The following RNF220 variants were observed in gnomAD, a reference collection of about 807,000 sequenced individuals.
RNF220 encodes the protein ring finger protein 220.
In RNF220, 7 loss-of-function variants were observed where a neutral mutation model predicts 67.1. The ratio of observed to expected loss-of-function variants is 0.10; its 90% CI spans 0.06 to 0.20. RNF220 has a LOEUF of 0.20. Ranked by LOEUF, RNF220 falls within the 10% of genes least tolerant of loss-of-function variation. The pLI, the probability that RNF220 is intolerant of heterozygous loss-of-function variation, is 1.00. For synonymous variants in RNF220, 270 were observed against 283.2 expected, an observed-to-expected ratio of 0.95 and a Z score of 0.47; for missense variants, 565 against 740.3, an observed-to-expected ratio of 0.76 and a Z score of 2.75.
Position 44,600,077 on chromosome 1 carries a change from TG to T in RNF220, c.626-14086del, listed in dbSNP as rs1477877032. 6.6e-6 allele frequency among the ~76,000 whole-genome samples: 1 copy of T among 152,188 alleles called. No individual in the cohort carries two copies. Among genetic ancestry groups the T allele is most frequent in the Non-Finnish European group, 1.5e-5 (1 of 68,026 alleles). On this transcript the variant is annotated intron_variant, in intron 2 of 14. Transcript: ENST00000361799. The surrounding 1 kb of genome is among the most constrained non-coding windows in gnomAD (Gnocchi z 4.0). The stretch of plus-strand genomic sequence containing the variant: ...AAAAACAGGGAAGATGTTGACTTAC[TG>T]GATGTAGGGACTGGAGTAAAGAGTA...
intron 3 of RNF220, among the ~76,000 whole-genome samples, chr1:44,619,108 C>G (rs74417114): frequency 1.3e-5 from 2 of 152,066 alleles, no homozygotes; most frequent in African/African-American, 2.4e-5. Context: ...AAGGAGTTGG[C>G]CCCCAGACTT....
At chr1:44,492,976 T>G (rs578029698) in intron 2 of RNF220, among the ~76,000 whole-genome samples, 218 of 152,182 alleles carry the variant, frequency 1.4e-3, no homozygotes, top group Non-Finnish European at 2.0e-3. Flanking sequence ...CAGGCTGGAT[T>G]CACACTCCTG....
intron 2 of RNF220, among the ~76,000 whole-genome samples, chr1:44,442,981 C>T (rs1189580647): frequency 6.6e-6 from 1 of 152,218 alleles, no homozygotes; most frequent in Admixed American, 6.5e-5. Context: ...TTACTCCACC[C>T]TCTTGCCTAG....
At chr1:44,628,638 G>C (rs1447275734) in intron 5 of RNF220, among the ~76,000 whole-genome samples, 1 of 152,228 alleles carries the variant, frequency 6.6e-6, no homozygotes, top group Non-Finnish European at 1.5e-5. Context: ...TATATTTCCA[G>C]CTTCCATTCC....
intron 2 of RNF220, among the ~76,000 whole-genome samples, chr1:44,448,843 A>T (rs1268402226): frequency 6.6e-6 from 1 of 152,218 alleles, no homozygotes; most frequent in Non-Finnish European, 1.5e-5. Context: ...AATGGGTTTC[A>T]AGTGAATGCT....
chr1:44,441,068 C>T (rs988296795), intron 2 of RNF220, among the ~76,000 whole-genome samples: 1 of 152,154 alleles, frequency 6.6e-6, no homozygotes, highest in Non-Finnish European at 1.5e-5. Context: ...CATCCCCTCA[C>T]CTAGAACCTG....
At chr1:44,519,846 G>A (rs1205023708) in intron 2 of RNF220, among the ~76,000 whole-genome samples, 2 of 152,146 alleles carry the variant, frequency 1.3e-5, no homozygotes, top group Admixed American at 6.5e-5. Context: ...AAATTGTTAA[G>A]AGCCTTGTCT....
At chr1:44,531,908 A>G (rs537620774) in intron 2 of RNF220, among the ~76,000 whole-genome samples, 18 of 152,240 alleles carry the variant, frequency 1.2e-4, no homozygotes, top group African/African-American at 4.3e-4. Context: ...GGTTTGGCTC[A>G]TAGGGGACAT....
At chr1:44,468,401 C>T (rs138129592) in intron 2 of RNF220, among the ~76,000 whole-genome samples, 3 of 152,096 alleles carry the variant, frequency 2.0e-5, no homozygotes, top group African/African-American at 4.8e-5. Flanking sequence ...AAATGCAAGA[C>T]GTGGAAGCGG....
chr1:44,629,600 G>C (rs989670665), intron 5 of RNF220, among the ~76,000 whole-genome samples: 1 of 152,184 alleles, frequency 6.6e-6, no homozygotes, highest in East Asian at 1.9e-4. Context: ...CACTTTGGGA[G>C]GCCAACGCAA....
In RNF220 at chr1:44,405,404, G is replaced by A; in HGVS notation, c.-244G>A. ...TGCTGCTGCTGCTGCTGCCGCTGCCGCCGCCGCCGCCGCCGCTGCCTCCGC... is the reference window on the plus strand; with the variant it reads ...TGCTGCTGCTGCTGCTGCCGCTGCCACCGCCGCCGCCGCCGCTGCCTCCGC... On this transcript the variant is annotated 5_prime_UTR_variant, in exon 1 of 15. Transcript: ENST00000361799. 3.2e-6 allele frequency: 2 copies of A among 627,750 alleles called. No individual in the cohort carries two copies. Among genetic ancestry groups the A allele is most frequent in the South Asian group, 1.7e-5 (1 of 59,296 alleles). 38.9% of individuals were successfully genotyped at this position (627,750 alleles called of 1,614,324 possible). A position where few individuals can be genotyped will look rare whatever the true frequency, so the allele number is the denominator to read the frequency against.
rs1321388227 is a variant in RNF220, at chr1:44,621,561, G to A, written c.759-1181G>A. Among the ~76,000 whole-genome samples, 1 of 152,142 alleles carries A rather than the reference G, an allele frequency of 6.6e-6. No homozygotes were observed. The highest frequency in any genetic ancestry group is 1.5e-5 in the Non-Finnish European group (1 of 68,032). On this transcript the variant is annotated intron_variant, in intron 3 of 14. Transcript: ENST00000361799. The surrounding 1 kb of genome is among the most constrained non-coding windows in gnomAD (Gnocchi z 4.8). ...ACATTGCTGGATGTCCCCTGTGCAG[G>A]TGAACATCCCTTCCCCTTCTCCCCT...
chr1:44,649,619 G>A lies in RNF220; in HGVS notation c.1446-42G>A, dbSNP rs746713582. 1.9e-6 allele frequency: 3 copies of A among 1,583,038 alleles called. No individual in the cohort carries two copies. The South Asian group carries it at 3.3e-5, about 18-fold the overall frequency. ...AGGCGTAGGCTGGAGGTACAGATGA[G>A]AGATGCCAGCCTGCTACCCAACCAT... On this transcript the variant is annotated intron_variant, in intron 12 of 14. Transcript: ENST00000361799. The surrounding 1 kb of genome is among the most constrained non-coding windows in gnomAD (Gnocchi z 5.9).
At chr1:44,647,852 G>GA (rs1447183240) in intron 12 of RNF220, among the ~76,000 whole-genome samples, 2 of 152,136 alleles carry the variant, frequency 1.3e-5, no homozygotes. Flanking sequence ...CGTCCCTTAT[G>GA]ATTCCCCCGC....
At chr1:44,636,220 C>T in intron 8 of RNF220, 58 bp downstream of exon 8, 2 of 1,565,410 alleles carry the variant, frequency 1.3e-6, no homozygotes, top group Non-Finnish European at 8.7e-7. Context: ...TGCTGGGTAT[C>T]CATCTGCTGG....
chr1:44,474,378 AAATAAT>A (rs61147848), intron 2 of RNF220, among the ~76,000 whole-genome samples: 47,088 of 136,992 alleles, frequency 0.34, 8,796 homozygotes, highest in Middle Eastern at 0.49. Flanking sequence ...CTGTCTCCAA[AAATAAT>A]AATAATAATA....
chr1:44,586,419 G>A (rs1665697714), intron 2 of RNF220, among the ~76,000 whole-genome samples: 1 of 152,170 alleles, frequency 6.6e-6, no homozygotes. Flanking sequence ...GAGGGACAAG[G>A]TAAGGATAGA....
At chr1:44,449,693 A>T (rs1300658827) in intron 2 of RNF220, among the ~76,000 whole-genome samples, 1 of 152,148 alleles carries the variant, frequency 6.6e-6, no homozygotes, top group East Asian at 1.9e-4. Flanking sequence ...GGATTGGGGT[A>T]TGGGCCATGG....
intron 2 of RNF220, among the ~76,000 whole-genome samples, chr1:44,432,489 C>T (rs1321481774): frequency 2.0e-5 from 3 of 152,004 alleles, no homozygotes; most frequent in East Asian, 1.9e-4. Context: ...CAGCCTGTTT[C>T]GAATTCCTGA....
Sources: allele counts gnomAD v4.1 joint callset (sites outside exome capture counted in the v4.1 genomes callset), GRCh38; gene constraint gnomAD v4.1.1; non-coding constraint Gnocchi (gnomAD v3.1); transcripts MANE v1.5; gene names NCBI Gene and HGNC (gene_info 2026-07-23, HGNC 2026-07-21).